The following GAB2 variants were observed in gnomAD, a reference collection of about 807,000 sequenced individuals.
GAB2 encodes the protein GRB2-associated-binding protein 2.
GAB2 carries 26 observed loss-of-function variants against 65.5 expected under a neutral mutation model. The ratio of observed to expected loss-of-function variants is 0.40; its 90% CI spans 0.29 to 0.55. The LOEUF (loss-of-function observed/expected upper bound fraction) is 0.55, where lower values mean the gene tolerates loss of function less well. Ranked by LOEUF, GAB2 falls within the 20% of genes least tolerant of loss-of-function variation. GAB2 has a pLI of 0.53. For synonymous variants in GAB2, 321 were observed against 329.6 expected (o/e 0.97, Z 0.28); for missense variants, 884 against 875.8 (o/e 1.01, Z -0.12).
intron 7 of GAB2, 125 bp downstream of exon 7, chr11:78,221,980 A>G (rs1864448086): frequency 2.7e-6 from 2 of 737,222 alleles, no homozygotes; most frequent in African/African-American, 1.7e-5. Flanking sequence ...ACATCGAGAC[A>G]TGATCAGCTA....
chr11:78,318,614 C>G (rs1226539991), intron 1 of GAB2, among the ~76,000 whole-genome samples: 2 of 152,068 alleles, frequency 1.3e-5, no homozygotes, highest in African/African-American at 4.8e-5. Context: ...TTGCCTCAAG[C>G]AGCTCCCACA....
At chr11:78,353,467 T>A (rs1288741515) in intron 1 of GAB2, among the ~76,000 whole-genome samples, 1 of 152,128 alleles carries the variant, frequency 6.6e-6, no homozygotes, top group Non-Finnish European at 1.5e-5. Context: ...TGGGAGAAAC[T>A]GGGGATGGGG....
In GAB2 at chr11:78,226,619, G is replaced by GGCCCC; in HGVS notation, c.1052_1053insGGGGC (p.Pro352GlyfsTer77). 1.1e-6 allele frequency: 1 copy of GGCCCC among 952,240 alleles called. No homozygotes were observed. The highest frequency in any genetic ancestry group is 1.6e-6 in the Non-Finnish European group (1 of 620,416). 59.0% of individuals were successfully genotyped at this position (952,240 alleles called of 1,614,324 possible). ...GACTTGGCTTGGGGGGGCGGGGTGG[G>GGCCCC]GGAGCTATGGCTGAGTCCCCAGGAG... On this transcript the variant is annotated frameshift_variant, in exon 4 of 10. Coordinates refer to ENST00000361507, the MANE Select transcript of GAB2 (RefSeq NM_080491.3). LOFTEE classifies it high-confidence loss of function.
At chr11:78,346,585 G>A (rs926680908) in intron 1 of GAB2, among the ~76,000 whole-genome samples, 1 of 149,188 alleles carries the variant, frequency 6.7e-6, no homozygotes, top group Non-Finnish European at 1.5e-5. Flanking sequence ...GAGAAGAGAA[G>A]AGAAGAGAAG....
chr11:78,307,552 G>GTT (rs1855389819), intron 1 of GAB2, among the ~76,000 whole-genome samples: 1 of 148,972 alleles, frequency 6.7e-6, no homozygotes, highest in East Asian at 2.0e-4. Context: ...GAGCCCAGGA[G>GTT]TTTGAGACCA....
At chr11:78,355,838 C>T in intron 1 of GAB2, among the ~76,000 whole-genome samples, 1 of 152,042 alleles carries the variant, frequency 6.6e-6, no homozygotes, top group East Asian at 1.9e-4. Flanking sequence ...AGGACCCTGG[C>T]TGGGTCAGTC....
chr11:78,376,079 G>C (rs1244082937), intron 1 of GAB2, among the ~76,000 whole-genome samples: 4 of 152,210 alleles, frequency 2.6e-5, no homozygotes, highest in African/African-American at 4.8e-5. Context: ...AAATATGGGG[G>C]AAATGTTAAT....
At chr11:78,387,381 G>C (rs1053404694) in intron 1 of GAB2, among the ~76,000 whole-genome samples, 3 of 152,108 alleles carry the variant, frequency 2.0e-5, no homozygotes, top group Non-Finnish European at 4.4e-5. Context: ...TCTAGGGTAC[G>C]ATGTTCTTGC....
At chr11:78,327,507 T>C (rs1855844692) in intron 1 of GAB2, among the ~76,000 whole-genome samples, 1 of 152,234 alleles carries the variant, frequency 6.6e-6, no homozygotes, top group Non-Finnish European at 1.5e-5. Context: ...CTGAACATAA[T>C]GGAGAAGGCA....
At chr11:78,336,711 C>G (rs1390268586) in intron 1 of GAB2, among the ~76,000 whole-genome samples, 1 of 152,108 alleles carries the variant, frequency 6.6e-6, no homozygotes, top group Non-Finnish European at 1.5e-5. Context: ...GGTGCCACAG[C>G]TGACATTTTA....
intron 1 of GAB2, among the ~76,000 whole-genome samples, chr11:78,316,756 C>T (rs554199698): frequency 6.6e-6 from 1 of 152,130 alleles, no homozygotes; most frequent in Non-Finnish European, 1.5e-5. Flanking sequence ...AATAGAATTA[C>T]CATATGATCC....
At chr11:78,259,598 A>G (rs1865682356) in intron 2 of GAB2, among the ~76,000 whole-genome samples, 2 of 152,228 alleles carry the variant, frequency 1.3e-5, no homozygotes, top group African/African-American at 4.8e-5. Flanking sequence ...GGCATATATC[A>G]TAATTTATGC....
intron 1 of GAB2, among the ~76,000 whole-genome samples, chr11:78,300,695 G>GTTTTTTTTTTTTTTTTTTTTTTTTT (rs769243672): frequency 8.8e-6 from 1 of 113,252 alleles, no homozygotes; most frequent in Non-Finnish European, 1.8e-5. Context: ...GTTTTTTTTT[G>GTTTTTTTTTTTTTTTTTTTTTTTTT]TTTTTTTTTT....
intron 1 of GAB2, among the ~76,000 whole-genome samples, chr11:78,323,555 A>C (rs937465718): frequency 6.6e-6 from 1 of 151,608 alleles, no homozygotes; most frequent in Admixed American, 6.6e-5. Context: ...CACACTTATA[A>C]TGTTCTCACT....
At chr11:78,416,779 T>TAAAAAAA (rs5792806) in intron 1 of GAB2, among the ~76,000 whole-genome samples, 1 of 116,228 alleles carries the variant, frequency 8.6e-6, no homozygotes. Flanking sequence ...GGAGAGGGGT[T>TAAAAAAA]AAAAAAAAAA....
chr11:78,266,818 T>C (rs1865887359), intron 2 of GAB2, among the ~76,000 whole-genome samples: 1 of 152,172 alleles, frequency 6.6e-6, no homozygotes, highest in Non-Finnish European at 1.5e-5. Context: ...AGCAGGTCCA[T>C]GTCTTATGCT....
chr11:78,222,407 C>T (rs771305821), intron 6 of GAB2, among the ~76,000 whole-genome samples: 30 of 151,722 alleles, frequency 2.0e-4, no homozygotes, highest in Non-Finnish European at 3.4e-4. Context: ...TATATTCTTT[C>T]TGCTGTATCT....
chr11:78,401,647 C>T (rs1856974868), intron 1 of GAB2, among the ~76,000 whole-genome samples: 1 of 151,198 alleles, frequency 6.6e-6, no homozygotes, highest in African/African-American at 2.4e-5. Flanking sequence ...AACAGTATTC[C>T]AGTGTGTGTG....
intron 1 of GAB2, among the ~76,000 whole-genome samples, chr11:78,395,806 C>G (rs1393885370): frequency 1.3e-5 from 2 of 152,138 alleles, no homozygotes; most frequent in Non-Finnish European, 2.9e-5. Context: ...AAGAAACTTG[C>G]CCACACCCAC....
Sources: allele counts gnomAD v4.1 joint callset (sites outside exome capture counted in the v4.1 genomes callset), GRCh38; gene constraint gnomAD v4.1.1; transcripts MANE v1.5; gene names NCBI Gene and HGNC (gene_info 2026-07-23, HGNC 2026-07-21).